PDXDC1: variants seen among roughly 807,000 people sequenced by gnomAD.
The protein encoded by PDXDC1 is pyridoxal-dependent decarboxylase domain-containing protein 1.
PDXDC1 carries 42 observed loss-of-function variants against 100.1 expected under a neutral mutation model. The ratio of observed to expected loss-of-function variants is 0.42; its 90% CI spans 0.33 to 0.54. The LOEUF (loss-of-function observed/expected upper bound fraction) is 0.54, where lower values mean the gene tolerates loss of function less well. Ranked by LOEUF, PDXDC1 falls within the 20% of genes least tolerant of loss-of-function variation. The pLI, the probability that PDXDC1 is intolerant of heterozygous loss-of-function variation, is 0.10. For synonymous variants in PDXDC1, 260 were observed against 371.7 expected (o/e 0.70, Z 3.46); for missense variants, 636 against 979.2 (o/e 0.65, Z 4.68).
intron 16 of PDXDC1, among the ~76,000 whole-genome samples, chr16:15,124,524 C>T (rs1454649075): frequency 3.3e-5 from 5 of 151,654 alleles, no homozygotes; most frequent in Admixed American, 6.6e-5. Context: ...CCTGTAATCC[C>T]AGCACTTTGG....
intron 16 of PDXDC1, chr16:15,104,904 T>C: frequency 1.3e-6 from 2 of 1,534,728 alleles, no homozygotes; most frequent in Non-Finnish European, 8.7e-7. Context: ...AGTATCAGTG[T>C]CATATCACCC....
rs1382788950 is a variant in PDXDC1, at chr16:15,016,215, T to A, written c.812+2T>A. 6.2e-7 allele frequency: 1 copy of A among 1,612,180 alleles called. No homozygotes were observed. ...TGGCATATGGCTTCATGTGGAGGGG[T>A]AAGCCGGCGGTGAGGCTGGTGGCTC... On this transcript the variant is annotated splice_donor_variant, in intron 9 of 22. Transcript: ENST00000396410. LOFTEE classifies it high-confidence loss of function.
intron 16 of PDXDC1, among the ~76,000 whole-genome samples, chr16:15,098,981 C>A (rs2046449459): frequency 6.6e-6 from 1 of 152,192 alleles, no homozygotes; most frequent in South Asian, 2.1e-4. Flanking sequence ...CAGGAGGGCA[C>A]CAAGAAGCTT....
At chr16:15,051,419 C>A (rs965264387) in intron 16 of PDXDC1, among the ~76,000 whole-genome samples, 1 of 152,232 alleles carries the variant, frequency 6.6e-6, no homozygotes, top group Non-Finnish European at 1.5e-5. Flanking sequence ...GCGGCGAGAT[C>A]GTGGCTCACT....
rs1417112685 is a variant in PDXDC1 at position 15,135,292 on chromosome 16, G to A, written c.1400-3587G>A. Reference sequence around the variant, plus strand: ...GGGCGGCACCCACCGTCTGGTTGGTGGCCTCCTCCTTGCGGCCGGCCTTCC... The same window carrying A: ...GGGCGGCACCCACCGTCTGGTTGGTAGCCTCCTCCTTGCGGCCGGCCTTCC... On this transcript the variant is annotated intron_variant, in intron 16 of 16. Coordinates refer to the PDXDC1 transcript ENST00000535621. The A allele has an allele frequency of 4.7e-6, 7 of 1,484,690 alleles. No individual in the cohort carries two copies. The African/African-American group carries it at 7.0e-5, about 15-fold the overall frequency. 92.0% of individuals were successfully genotyped at this position (1,484,690 alleles called of 1,614,324 possible).
Position 15,035,450 on chromosome 16 carries a change from C to G in PDXDC1, c.2004C>G (p.Gly668=), listed in dbSNP as rs773225601. ...QKGRTFNLTA[G]SLESTEPIYV... ...ACCCAGCCCTCTCCTCTCCCGCAGG[C>G]TCTCTGGAGTCCACAGAACCCATAT... Residue 668 remains glycine (G), a splice_region_variant and synonymous_variant, in exon 22 of 23, where the codon GGC becomes GGG. Transcript: ENST00000396410. 6.3e-7 allele frequency: 1 copy of G among 1,598,206 alleles called. No individual in the cohort carries two copies. The highest frequency in any genetic ancestry group is 1.3e-5 in the African/African-American group (1 of 74,200).
chr16:15,125,157 A>C, intron 16 of PDXDC1: 12 of 530,972 alleles, frequency 2.3e-5, no homozygotes, highest in South Asian at 1.5e-4. Context: ...GTCTCAAAAA[A>C]AAAAAAAAAA....
intron 16 of PDXDC1, among the ~76,000 whole-genome samples, chr16:15,093,712 G>A (rs1282858141): frequency 2.0e-5 from 3 of 152,162 alleles, no homozygotes; most frequent in Non-Finnish European, 4.4e-5. Flanking sequence ...GCAAAATAAA[G>A]ACTGCGAAAC....
chr16:15,038,024 A>G lies in PDXDC1; in HGVS notation c.*1749A>G. The G allele has an allele frequency of 1.9e-5, 31 of 1,607,424 alleles. No individual in the cohort carries two copies. Among genetic ancestry groups the G allele is most frequent in the Non-Finnish European group, 2.6e-5 (31 of 1,176,794 alleles). ...AAGAAGGTGCTTTCTTTGGTAATTC[A>G]TGTTTTTTAACTTCCTGGAGAAGAG... On this transcript the variant is annotated 3_prime_UTR_variant, in exon 23 of 23. Coordinates refer to ENST00000396410, the MANE Select transcript of PDXDC1 (RefSeq NM_015027.4).
At chr16:14,984,495 A>ATATATAT (rs1555542734) in intron 1 of PDXDC1, among the ~76,000 whole-genome samples, 28 of 73,472 alleles carry the variant, frequency 3.8e-4, no homozygotes, top group Middle Eastern at 0.013. Flanking sequence ...ATATATATAT[A>ATATATAT]TTTTTTTTTT....
chr16:15,041,894 T>G (rs774418839), downstream of PDXDC1, among the ~76,000 whole-genome samples: 12 of 152,186 alleles, frequency 7.9e-5, no homozygotes, highest in Non-Finnish European at 1.6e-4. Context: ...ATTCTCAGCC[T>G]CAGGCCCGAA....
intron 16 of PDXDC1, among the ~76,000 whole-genome samples, chr16:15,091,149 T>C (rs2046116416): frequency 6.6e-6 from 1 of 152,060 alleles, no homozygotes; most frequent in Admixed American, 6.6e-5. Flanking sequence ...CATCACCAAA[T>C]GTCTTCTAGG....
downstream of PDXDC1, among the ~76,000 whole-genome samples, chr16:15,141,599 C>T (rs1453450105): frequency 3.3e-5 from 5 of 152,168 alleles, no homozygotes; most frequent in Admixed American, 1.3e-4. Flanking sequence ...ACGGCCCCTC[C>T]GGCAGGGCCA....
Position 15,032,910 on chromosome 16 carries a change from G to T in PDXDC1, c.1621G>T (p.Gly541Trp), listed in dbSNP as rs1157489986. ...DKSSLKSDPE[G>W]ENIHAGLLKK... is the part of the protein sequence containing the mutation. ...GAGCAGTTTGAAATCAGATCCCGAA[G>T]GGGAAAACATCCATGCTGGACTCCT... Residue 541 changes from glycine (G) to tryptophan (W), a missense_variant, in exon 18 of 23, where the codon GGG becomes TGG. Around this residue, in one of 4 missense-constraint regions of PDXDC1, gnomAD observed 452 missense variants for 402.9 expected, o/e 1.12. Coordinates refer to ENST00000396410, the MANE Select transcript of PDXDC1 (RefSeq NM_015027.4). 3.1e-6 allele frequency: 5 copies of T among 1,612,762 alleles called. No homozygotes were observed. In the African/African-American group the frequency reaches 5.3e-5, roughly 17 times the overall value.
intron 16 of PDXDC1, among the ~76,000 whole-genome samples, chr16:15,062,683 TGC>T (rs4012838): frequency 0.014 from 2,207 of 152,358 alleles, 27 homozygotes; most frequent in Non-Finnish European, 0.022. Flanking sequence ...TTGGTAAGAA[TGC>T]GCAAGTGGCA....
downstream of PDXDC1, among the ~76,000 whole-genome samples, chr16:15,141,353 G>A (rs1196033574): frequency 2.6e-5 from 4 of 152,252 alleles, no homozygotes; most frequent in South Asian, 2.1e-4. Flanking sequence ...GGCCTTCTCC[G>A]TGCCAGGAAG....
intron 16 of PDXDC1, among the ~76,000 whole-genome samples, chr16:15,100,191 A>T (rs2046490573): frequency 6.6e-6 from 1 of 152,158 alleles, no homozygotes; most frequent in Non-Finnish European, 1.5e-5. Flanking sequence ...GCTGAATGGT[A>T]GGGCGGATCC....
At chr16:15,085,541 C>G (rs1390916124) in intron 16 of PDXDC1, 29 of 1,549,952 alleles carry the variant, frequency 1.9e-5, no homozygotes, top group Admixed American at 1.9e-5. Context: ...TGGTCTCAAA[C>G]TCTTGGCCTC....
At chr16:15,075,245 C>T (rs1323991683) in intron 16 of PDXDC1, among the ~76,000 whole-genome samples, 1 of 147,734 alleles carries the variant, frequency 6.8e-6, no homozygotes, top group Non-Finnish European at 1.5e-5. Flanking sequence ...GACTCTGTGC[C>T]CCACCAAAAA....
Sources: allele counts gnomAD v4.1 joint callset (sites outside exome capture counted in the v4.1 genomes callset), GRCh38; gene constraint gnomAD v4.1.1; regional missense constraint gnomAD v4.1.1; transcripts MANE v1.5; gene names NCBI Gene and HGNC (gene_info 2026-07-23, HGNC 2026-07-21).